The following FARP1 variants were observed in gnomAD, a reference collection of about 807,000 sequenced individuals.
FARP1 encodes the protein FERM, ARHGEF and pleckstrin domain-containing protein 1.
Under a neutral mutation model 128.8 loss-of-function variants are expected in FARP1, and 52 were observed. The ratio of observed to expected loss-of-function variants is 0.40; its 90% CI spans 0.32 to 0.51. FARP1 has a LOEUF of 0.51. Ranked by LOEUF, FARP1 falls within the 20% of genes least tolerant of loss-of-function variation. The pLI is 0.45. For synonymous variants in FARP1, 580 were observed against 551.8 expected (o/e 1.05, Z -0.72); for missense variants, 1,333 against 1,367.9 (o/e 0.97, Z 0.40).
intron 2 of FARP1, among the ~76,000 whole-genome samples, chr13:98,315,371 C>T (rs1224613615): frequency 6.6e-6 from 1 of 152,132 alleles, no homozygotes; most frequent in Non-Finnish European, 1.5e-5. Context: ...TCCCAAAGTG[C>T]TGGGATTACA....
At chr13:98,444,409 C>T (rs1225685237) in intron 24 of FARP1, among the ~76,000 whole-genome samples, 2 of 152,168 alleles carry the variant, frequency 1.3e-5, no homozygotes, top group African/African-American at 2.4e-5. Flanking sequence ...TGAAGGGCCA[C>T]GAGGAGACAG....
At chr13:98,318,745 G>A (rs1886853974) in intron 2 of FARP1, among the ~76,000 whole-genome samples, 1 of 152,198 alleles carries the variant, frequency 6.6e-6, no homozygotes. Context: ...GTCTTTTGCT[G>A]TCTGCCCTGT....
At chr13:98,269,232 G>C (rs1483367070) in intron 2 of FARP1, among the ~76,000 whole-genome samples, 3 of 152,124 alleles carry the variant, frequency 2.0e-5, no homozygotes, top group Admixed American at 6.6e-5. Context: ...TCTCCCTGCA[G>C]TTCTAATGGT....
chr13:98,374,903 G>A (rs754961481), intron 5 of FARP1, among the ~76,000 whole-genome samples: 1 of 152,164 alleles, frequency 6.6e-6, no homozygotes, highest in African/African-American at 2.4e-5. Flanking sequence ...GAGGTGCTAG[G>A]CTTTTTGTAA....
Position 98,176,810 on chromosome 13 carries a change from G to A in FARP1, c.-24+33318G>A. 1 of 1,613,260 alleles carries A rather than the reference G, an allele frequency of 6.2e-7. No homozygotes were observed. On this transcript the variant is annotated intron_variant, in intron 1 of 26. Transcript: ENST00000319562. The surrounding 1 kb of genome is among the most constrained non-coding windows in gnomAD (Gnocchi z 6.2). ...TGGATTCCCCGGTAGATGTGGTCGT[G>A]CTCCCGACCCCGCAGTGCCTCCTGG... is the stretch of plus-strand genomic sequence containing the variant.
intron 1 of FARP1, among the ~76,000 whole-genome samples, chr13:98,191,152 T>A (rs1428698451): frequency 6.6e-6 from 1 of 152,200 alleles, no homozygotes; most frequent in African/African-American, 2.4e-5. Flanking sequence ...CCTCTGATGC[T>A]GCTAGGTTCC....
intron 2 of FARP1, among the ~76,000 whole-genome samples, chr13:98,253,304 A>G (rs1883434390): frequency 6.6e-6 from 1 of 152,258 alleles, no homozygotes; most frequent in Admixed American, 6.5e-5. Flanking sequence ...AGATGACGCC[A>G]GTGATTGGTA....
chr13:98,355,240 G>T (rs1368703163), intron 3 of FARP1, among the ~76,000 whole-genome samples: 1 of 152,058 alleles, frequency 6.6e-6, no homozygotes, highest in Non-Finnish European at 1.5e-5. Context: ...AGCTACTTGA[G>T]GGGGCTGAGG....
chr13:98,198,375 C>A (rs1879710860), intron 1 of FARP1, among the ~76,000 whole-genome samples: 1 of 152,200 alleles, frequency 6.6e-6, no homozygotes, highest in South Asian at 2.1e-4. Flanking sequence ...AATGGATAAA[C>A]TGTGGTATAT....
intron 2 of FARP1, among the ~76,000 whole-genome samples, chr13:98,281,344 G>T (rs1052675454): frequency 4.0e-5 from 6 of 151,310 alleles, no homozygotes; most frequent in African/African-American, 1.5e-4. Context: ...TCCAGCCTGG[G>T]CAACAGAGCA....
intron 5 of FARP1, among the ~76,000 whole-genome samples, chr13:98,370,812 A>C (rs694534): frequency 0.42 from 63,758 of 152,022 alleles, 14,353 homozygotes; most frequent in Non-Finnish European, 0.53. Context: ...TGTGCTGCTA[A>C]TCATCCACGT....
chr13:98,385,572 CT>C, intron 7 of FARP1, 94 bp from the exon 8 acceptor site: 1 of 1,388,636 alleles, frequency 7.2e-7, no homozygotes, highest in Non-Finnish European at 1.0e-6. Flanking sequence ...GATGAAATGC[CT>C]TTGTATTTCC....
chr13:98,153,726 G>T (rs904431631), intron 1 of FARP1, among the ~76,000 whole-genome samples: 1 of 151,290 alleles, frequency 6.6e-6, no homozygotes. Flanking sequence ...ACCACACCTG[G>T]TGAATTTTTG....
intron 1 of FARP1, among the ~76,000 whole-genome samples, chr13:98,207,908 C>CCCCACA (rs1555327643): frequency 9.8e-5 from 7 of 71,574 alleles, no homozygotes; most frequent in Non-Finnish European, 1.2e-4. Context: ...ACCACCACCT[C>CCCCACA]CACACACACA....
At chr13:98,304,591 C>T (rs112526876) in intron 2 of FARP1, among the ~76,000 whole-genome samples, 50 of 152,278 alleles carry the variant, frequency 3.3e-4, no homozygotes, top group African/African-American at 1.2e-3. Context: ...GCTACCCATT[C>T]GATGGGCACA....
chr13:98,211,590 C>T (rs1880711545), intron 1 of FARP1, among the ~76,000 whole-genome samples: 1 of 152,088 alleles, frequency 6.6e-6, no homozygotes, highest in South Asian at 2.1e-4. Flanking sequence ...TTGCCTGTGC[C>T]ATCGTGTTTC....
rs370428927 is a variant in FARP1, at chr13:98,377,953, C to G, written c.496+35C>G. The G allele has an allele frequency of 9.2e-6, 13 of 1,407,274 alleles. No individual in the cohort carries two copies. In the East Asian group the frequency reaches 1.8e-4, roughly 20 times the overall value. The allele number at this position is 1,407,274 out of a possible 1,614,324, so 87.2% of individuals were successfully genotyped here. A position where few individuals can be genotyped will look rare whatever the true frequency, so the allele number is the denominator to read the frequency against. On this transcript the variant is annotated intron_variant, in intron 6 of 26. Coordinates refer to ENST00000319562, the MANE Select transcript of FARP1 (RefSeq NM_005766.4). ...ATTGGTTTCCTTTGAAAATCATGTTCAAAATAACACAGTGATCTGATTGAT... is the reference window on the plus strand; with the variant it reads ...ATTGGTTTCCTTTGAAAATCATGTTGAAAATAACACAGTGATCTGATTGAT...
At chr13:98,442,530 C>T (rs951831256) in intron 24 of FARP1, among the ~76,000 whole-genome samples, 1 of 152,210 alleles carries the variant, frequency 6.6e-6, no homozygotes, top group Non-Finnish European at 1.5e-5. Context: ...CCATGGGGTT[C>T]CCCTGAGTGT....
intron 3 of FARP1, among the ~76,000 whole-genome samples, chr13:98,359,248 G>A (rs911259031): frequency 6.6e-6 from 1 of 152,158 alleles, no homozygotes; most frequent in Admixed American, 6.5e-5. Context: ...TGACCACATT[G>A]TTTTGAATAT....
Sources: gnomAD v4.1 joint callset for allele counts (sites outside exome capture counted in the v4.1 genomes callset) on GRCh38, gnomAD v4.1.1 for gene constraint, Gnocchi (gnomAD v3.1) non-coding constraint, MANE v1.5 for transcripts, NCBI Gene and HGNC (gene_info 2026-07-23, HGNC 2026-07-21) for gene names.